Variants in KIF13A observed in about 807,000 individuals in gnomAD.
KIF13A encodes the protein kinesin-like protein KIF13A.
A neutral mutation model predicts 212.2 loss-of-function variants in KIF13A; 79 were observed. That is an observed-to-expected ratio of 0.37 (90% CI 0.31 to 0.45). The LOEUF (loss-of-function observed/expected upper bound fraction) is 0.45. KIF13A is among the 20% of genes least tolerant of loss of function. The probability of loss-of-function intolerance (pLI) is 1.00; values close to 1 mark genes in which losing one functional copy is unlikely to be tolerated. For synonymous variants in KIF13A, 789 were observed against 808.6 expected, an observed-to-expected ratio of 0.98 and a Z score of 0.41; for missense variants, 1,901 against 2,209.0, an observed-to-expected ratio of 0.86 and a Z score of 2.79.
chr6:17,874,992 C>T (rs944258130), intron 3 of KIF13A, among the ~76,000 whole-genome samples: 4 of 88,628 alleles, frequency 4.5e-5, no homozygotes, highest in Admixed American at 1.0e-4. Context: ...CACACACACA[C>T]GCACACGCAC....
chr6:17,852,004 A>C lies in KIF13A; in HGVS notation c.533T>G (p.Leu178Trp). ...QSLKVREHKV[L>W]GPYVDGLSQL... The stretch of plus-strand genomic sequence containing the variant: ...AGATAAACCATCTACATATGGTCCC[A>C]AAACTTTATGTTCTCGAACTTTAAG... Residue 178 changes from leucine to tryptophan, a missense_variant, in exon 7 of 39, where the codon TTG becomes TGG. Around this residue, in one of 5 missense-constraint regions of KIF13A, gnomAD observed 506 missense variants for 637.4 expected, o/e 0.79. Coordinates refer to ENST00000259711, the MANE Select transcript of KIF13A (RefSeq NM_022113.6). 6.4e-7 allele frequency: 1 copy of C among 1,555,596 alleles called. No individual in the cohort carries two copies. The highest frequency in any genetic ancestry group is 8.7e-7 in the Non-Finnish European group (1 of 1,154,388).
intron 2 of KIF13A, among the ~76,000 whole-genome samples, chr6:17,916,952 T>A (rs1581724326): frequency 6.6e-6 from 1 of 150,832 alleles, no homozygotes. Context: ...AAACTCATAA[T>A]CTCAATACAA....
In KIF13A at chr6:17,786,277, T is replaced by C. The variant is rs147971033; in HGVS notation, c.3362-636A>G. 2.6e-4 allele frequency among the ~76,000 whole-genome samples: 40 copies of C among 152,242 alleles called. No homozygotes were observed. Among genetic ancestry groups the C allele is most frequent in the African/African-American group, 8.4e-4 (35 of 41,546 alleles). On this transcript the variant is annotated intron_variant, in intron 27 of 38. Coordinates refer to ENST00000259711, the MANE Select transcript of KIF13A (RefSeq NM_022113.6). This position sits in a 1 kb window ranked among gnomAD's most constrained non-coding sequence, Gnocchi z 5.4. ...CGGATGTGACACTGCTTTATAGAAC[T>C]ATACATGATGTTACAAAGACAGGAT...
rs926784665 is a variant in KIF13A at position 17,843,812 on chromosome 6, A to AG, written c.830+5564dup. ...TGTAATCCACCACTTTTGGAGGCCG[A>AG]GGGGGGCACATCACCTGAGGTCAGG... On this transcript the variant is annotated intron_variant, in intron 9 of 38. Transcript: ENST00000259711. The surrounding 1 kb of genome is among the most constrained non-coding windows in gnomAD (Gnocchi z 5.3). Among the ~76,000 whole-genome samples the AG allele has an allele frequency of 6.6e-6, 1 of 152,112 alleles. No individual in the cohort carries two copies. Among genetic ancestry groups the AG allele is most frequent in the Non-Finnish European group, 1.5e-5 (1 of 68,014 alleles).
chr6:17,929,602 G>A (rs915056559), intron 2 of KIF13A, among the ~76,000 whole-genome samples: 20 of 152,134 alleles, frequency 1.3e-4, no homozygotes, highest in Admixed American at 3.9e-4. Context: ...GGGTTTCACC[G>A]TGTTAGCCAG....
chr6:17,801,909 G>A (rs1292501928), intron 20 of KIF13A, among the ~76,000 whole-genome samples: 3 of 152,188 alleles, frequency 2.0e-5, no homozygotes, highest in Non-Finnish European at 4.4e-5. Context: ...TGGCTCTCTG[G>A]ATAGGAGCCA....
intron 17 of KIF13A, among the ~76,000 whole-genome samples, chr6:17,814,825 C>T (rs1291344491): frequency 6.6e-6 from 1 of 152,146 alleles, no homozygotes; most frequent in African/African-American, 2.4e-5. Flanking sequence ...TTATTATTAC[C>T]ATTTCCTCCA....
rs1561757771 is a variant in KIF13A at position 17,915,954 on chromosome 6, TAAAAATAA to T, written c.147-17782_147-17775del. On this transcript the variant is annotated intron_variant, in intron 2 of 38. Coordinates refer to ENST00000259711, the MANE Select transcript of KIF13A (RefSeq NM_022113.6). The surrounding 1 kb of genome is among the most constrained non-coding windows in gnomAD (Gnocchi z 4.4). ...CCAGTCTCAAAAAAAAAAATAAAAA[TAAAAATAA>T]AATAAAATAAAATAAATTACAGTTC... 8.0e-6 allele frequency among the ~76,000 whole-genome samples: 1 copy of T among 124,904 alleles called. No homozygotes were observed. The highest frequency in any genetic ancestry group is 2.8e-4 in the East Asian group (1 of 3,510). 81.9% of individuals were successfully genotyped at this position (124,904 alleles called of 152,430 possible). A position where few individuals can be genotyped will look rare whatever the true frequency, so the allele number is the denominator to read the frequency against.
At chr6:17,939,215 AAAC>A (rs1305366226) in intron 2 of KIF13A, among the ~76,000 whole-genome samples, 8 of 152,224 alleles carry the variant, frequency 5.3e-5, no homozygotes, top group African/African-American at 1.7e-4. Context: ...AGACCTCTAT[AAAC>A]AACAATGCCT....
chr6:17,973,181 A>G (rs1487086332), intron 2 of KIF13A, among the ~76,000 whole-genome samples: 1 of 152,250 alleles, frequency 6.6e-6, no homozygotes, highest in Non-Finnish European at 1.5e-5. Flanking sequence ...ACTCCCACAC[A>G]TATATACACT....
At chr6:17,804,249 C>A (rs1762738285) in intron 20 of KIF13A, 112 bp downstream of exon 20, 4 of 911,244 alleles carry the variant, frequency 4.4e-6, no homozygotes, top group Non-Finnish European at 6.2e-6. Context: ...TGACTATTTG[C>A]CTTAGTTTCT....
In KIF13A at chr6:17,838,253, G is replaced by A. The variant is rs1478367619; in HGVS notation, c.831-670C>T. ...GGAAAATTGCTTGAACCCGGGAGGC[G>A]GAGGCTGCAGTGAGCCAAGATCGCG... On this transcript the variant is annotated intron_variant, in intron 9 of 38. Coordinates refer to ENST00000259711, the MANE Select transcript of KIF13A (RefSeq NM_022113.6). This position sits in a 1 kb window ranked among gnomAD's most constrained non-coding sequence, Gnocchi z 4.2. 1.3e-5 allele frequency among the ~76,000 whole-genome samples: 2 copies of A among 150,946 alleles called. No individual in the cohort carries two copies. The highest frequency in any genetic ancestry group is 2.0e-4 in the East Asian group (1 of 5,050).
Position 17,800,046 on chromosome 6 carries a change from T to A in KIF13A, c.2522A>T (p.Asp841Val), listed in dbSNP as rs1194880481. The A allele has an allele frequency of 3.1e-6, 5 of 1,613,992 alleles. No homozygotes were observed. The highest frequency in any genetic ancestry group is 4.2e-6 in the Non-Finnish European group (5 of 1,179,890). ...TGAVPERVVE[D>V]DSSENSSESG... ...TTCACTGGAATTCTCCGAAGAGTCA[T>A]CCTCCACCACACGCTCTGGAACAGC... The change falls in exon 21 of 39, where the codon GAT becomes GTT. Residue 841 changes from aspartate to valine, a missense_variant. Physicochemically the swap from Asp to Val is radical, Grantham distance 152. This residue lies in a region of KIF13A where 534 missense variants were observed against 536.9 expected (regional missense o/e 0.99). Coordinates refer to ENST00000259711, the MANE Select transcript of KIF13A (RefSeq NM_022113.6).
Position 17,764,839 on chromosome 6 carries a change from G to C in KIF13A, c.4689C>G (p.Ser1563Arg). ...AGGAAAACCATTCCCTGTTCTCCAAGCTGGCATTGTAAACACTGAAGTCAG... is the reference window on the plus strand; with the variant it reads ...AGGAAAACCATTCCCTGTTCTCCAACCTGGCATTGTAAACACTGAAGTCAG... ...EFADFSVYNASLENREWFSSK... is the reference protein window; with the variant it reads ...EFADFSVYNARLENREWFSSK... Residue 1563 changes from serine to arginine, a missense_variant, in exon 39 of 39, where the codon AGC becomes AGG. Physicochemically the swap from Ser to Arg is moderately radical, Grantham distance 110. This residue lies in a region of KIF13A where 687 missense variants were observed against 759.1 expected (regional missense o/e 0.90). Transcript: ENST00000259711. The surrounding 1 kb of genome is among the most constrained non-coding windows in gnomAD (Gnocchi z 5.1). The C allele has an allele frequency of 6.2e-7, 1 of 1,613,858 alleles. No homozygotes were observed. The highest frequency in any genetic ancestry group is 8.5e-7 in the Non-Finnish European group (1 of 1,179,818).
At chr6:17,852,269 A>T (rs1284243553) in intron 6 of KIF13A, among the ~76,000 whole-genome samples, 1 of 152,190 alleles carries the variant, frequency 6.6e-6, no homozygotes, top group East Asian at 1.9e-4. Context: ...TATTTTAAAC[A>T]TTCTATCTCT....
intron 2 of KIF13A, among the ~76,000 whole-genome samples, chr6:17,929,149 A>C (rs1234956674): frequency 6.6e-6 from 1 of 151,616 alleles, no homozygotes; most frequent in Non-Finnish European, 1.5e-5. Context: ...CCTGCTTTGT[A>C]AAGCATATTT....
intron 20 of KIF13A, among the ~76,000 whole-genome samples, chr6:17,802,937 T>G (rs1255351362): frequency 2.2e-5 from 3 of 138,234 alleles, no homozygotes; most frequent in South Asian, 2.3e-4. Context: ...TTTTTGTTTT[T>G]TTTTGTTTTG....
At position 17,821,811 on chromosome 6, in the gene KIF13A, C is replaced by A. The variant is rs1441574616; in HGVS notation, c.1786+3957G>T. On this transcript the variant is annotated intron_variant, in intron 16 of 38. Coordinates refer to ENST00000259711, the MANE Select transcript of KIF13A (RefSeq NM_022113.6). Reference sequence around the variant, plus strand: ...CTTTATCCCAGTGTTTGTGGAGGAGCTTCGTCTGAAACCACATGAGAGGAA... The same window carrying A: ...CTTTATCCCAGTGTTTGTGGAGGAGATTCGTCTGAAACCACATGAGAGGAA... The A allele has an allele frequency of 5.9e-6, 9 of 1,535,352 alleles. No individual in the cohort carries two copies. The South Asian group carries it at 1.1e-4, about 18-fold the overall frequency.
Position 17,856,012 on chromosome 6 carries a change from A to C in KIF13A, c.313+18T>G. On this transcript the variant is annotated intron_variant, in intron 5 of 38. Coordinates refer to ENST00000259711, the MANE Select transcript of KIF13A (RefSeq NM_022113.6). The surrounding 1 kb of genome is among the most constrained non-coding windows in gnomAD (Gnocchi z 4.5). ...AGGCATGATCCCCCACATCTGGTCT[A>C]TAAAAGCAACTTCTTACCTGTCTGT... 2 of 1,571,010 alleles carry C rather than the reference A, an allele frequency of 1.3e-6. No individual in the cohort carries two copies. Among genetic ancestry groups the C allele is most frequent in the Non-Finnish European group, 1.8e-6 (2 of 1,142,142 alleles).
Sources: allele counts gnomAD v4.1 joint callset (sites outside exome capture counted in the v4.1 genomes callset), GRCh38; gene constraint gnomAD v4.1.1; regional missense constraint gnomAD v4.1.1; non-coding constraint Gnocchi (gnomAD v3.1); transcripts MANE v1.5; gene names NCBI Gene and HGNC (gene_info 2026-07-23, HGNC 2026-07-21).